SLC2A9: variants seen among roughly 807,000 people sequenced by gnomAD.
SLC2A9 encodes solute carrier family 2, facilitated glucose transporter member 9.
SLC2A9 carries 39 observed loss-of-function variants against 50.6 expected under a neutral mutation model. The ratio of observed to expected loss-of-function variants is 0.77; its 90% CI spans 0.60 to 1.01. SLC2A9 has a LOEUF of 1.01. SLC2A9 is among the 50% of genes least tolerant of loss of function. The pLI is 0.00. For synonymous variants in SLC2A9, 324 were observed against 276.9 expected (o/e 1.17, Z -1.69); for missense variants, 686 against 677.6 (o/e 1.01, Z -0.14).
Position 9,816,936 on chromosome 4 carries a change from G to A in SLC2A9, n.420+9484C>T, listed in dbSNP as rs952946512. Among the ~76,000 whole-genome samples the A allele has an allele frequency of 5.9e-5, 9 of 152,110 alleles. No individual in the cohort carries two copies. In the South Asian group the frequency reaches 6.2e-4, roughly 11 times the overall value. Reference sequence around the variant, plus strand: ...CTAAAATCAAAGTGTTCATAGAGACGCAACACCTTGGAATCTTTAGGGGAT... The same window carrying A: ...CTAAAATCAAAGTGTTCATAGAGACACAACACCTTGGAATCTTTAGGGGAT... On this transcript the variant is annotated intron_variant and non_coding_transcript_variant, in intron 3 of 3. Transcript: ENST00000503280.
chr4:10,018,912 T>C (rs1271239491), intron 2 of SLC2A9, 63 bp downstream of exon 2: 9 of 1,501,284 alleles, frequency 6.0e-6, no homozygotes, highest in Non-Finnish European at 7.2e-6. Context: ...CCCAGGGCCC[T>C]TGCGCACCCG....
intron 11 of SLC2A9, among the ~76,000 whole-genome samples, chr4:9,834,595 A>C (rs1363077801): frequency 6.6e-6 from 1 of 152,206 alleles, no homozygotes; most frequent in East Asian, 1.9e-4. Context: ...AATGATAAGT[A>C]GGTTGTAGGT....
intron 2 of SLC2A9, among the ~76,000 whole-genome samples, chr4:10,011,110 C>T (rs1338614162): frequency 6.6e-6 from 1 of 152,160 alleles, no homozygotes; most frequent in Admixed American, 6.5e-5. Flanking sequence ...TGGTTGGGCC[C>T]TTTTGGACTG....
intron 5 of SLC2A9, among the ~76,000 whole-genome samples, chr4:9,942,931 A>T (rs976963591): frequency 9.2e-5 from 14 of 152,216 alleles, no homozygotes; most frequent in African/African-American, 3.4e-4. Flanking sequence ...AGGTACAAGG[A>T]GATGGCCAAG....
intron 1 of SLC2A9, among the ~76,000 whole-genome samples, chr4:10,020,767 C>T (rs1763408633): frequency 6.6e-6 from 1 of 152,204 alleles, no homozygotes; most frequent in African/African-American, 2.4e-5. Flanking sequence ...CTGGTCTGCA[C>T]CCCATCAGAT....
chr4:9,866,204 C>T (rs1249366467), intron 10 of SLC2A9, among the ~76,000 whole-genome samples: 1 of 151,798 alleles, frequency 6.6e-6, no homozygotes, highest in Non-Finnish European at 1.5e-5. Context: ...ATGCTAATTA[C>T]TATTGTATTA....
At chr4:10,025,910 C>A (rs753714669), upstream of SLC2A9, 42 of 1,613,660 alleles carry the variant, frequency 2.6e-5, no homozygotes, top group Admixed American at 5.0e-5. Context: ...TGACCAATTT[C>A]TTTTTCGCTG....
downstream of SLC2A9, among the ~76,000 whole-genome samples, chr4:9,776,088 G>T (rs975448916): frequency 1.3e-5 from 2 of 152,068 alleles, no homozygotes; most frequent in African/African-American, 4.8e-5. Context: ...GGATCTGCTG[G>T]GGGCCATCTC....
At chr4:9,863,556 C>G (rs1045501876) in intron 10 of SLC2A9, among the ~76,000 whole-genome samples, 1 of 152,086 alleles carries the variant, frequency 6.6e-6, no homozygotes, top group Non-Finnish European at 1.5e-5. Context: ...GCATTAGTTT[C>G]CTCATTAAGA....
chr4:9,787,711 G>A (rs1387697652), intron 3 of SLC2A9, among the ~76,000 whole-genome samples: 1 of 152,190 alleles, frequency 6.6e-6, no homozygotes, highest in African/African-American at 2.4e-5. Context: ...GGACCTTTGT[G>A]AAGATTACCT....
chr4:9,782,210 G>C (rs113223975), intron 3 of SLC2A9: 1 of 1,611,822 alleles, frequency 6.2e-7, no homozygotes. Context: ...CAACGTGCTG[G>C]TGTGCGCAGC....
chr4:9,975,743 T>C (rs1287426583), intron 5 of SLC2A9, among the ~76,000 whole-genome samples: 4 of 152,216 alleles, frequency 2.6e-5, no homozygotes, highest in Admixed American at 6.5e-5. Context: ...AATCCCATTA[T>C]TGGGTATATA....
chr4:9,958,754 G>C (rs1242506630), intron 5 of SLC2A9, among the ~76,000 whole-genome samples: 2 of 152,160 alleles, frequency 1.3e-5, no homozygotes, highest in Non-Finnish European at 2.9e-5. Context: ...ACCAGGACCT[G>C]TCCAGAAAAG....
intron 10 of SLC2A9, among the ~76,000 whole-genome samples, chr4:9,864,165 C>T (rs1345477269): frequency 6.6e-6 from 1 of 152,032 alleles, no homozygotes; most frequent in Non-Finnish European, 1.5e-5. Context: ...TTCTTCTTTG[C>T]CATTTGGGGA....
At chr4:10,013,017 G>C (rs1762023854) in intron 2 of SLC2A9, among the ~76,000 whole-genome samples, 1 of 152,174 alleles carries the variant, frequency 6.6e-6, no homozygotes, top group Non-Finnish European at 1.5e-5. Context: ...AGTGGAAACA[G>C]AGAAACCAGT....
chr4:9,938,376 A>G (rs1747501191), intron 6 of SLC2A9, among the ~76,000 whole-genome samples: 1 of 147,284 alleles, frequency 6.8e-6, no homozygotes, highest in Non-Finnish European at 1.5e-5. Flanking sequence ...GGTTCACGCC[A>G]TTCTCTTGCC....
At chr4:9,917,042 C>T (rs866907867) in intron 7 of SLC2A9, among the ~76,000 whole-genome samples, 9 of 152,156 alleles carry the variant, frequency 5.9e-5, no homozygotes, top group African/African-American at 2.2e-4. Flanking sequence ...GTGGCCACCC[C>T]AGCAATGGGG....
intron 1 of SLC2A9, among the ~76,000 whole-genome samples, chr4:10,019,963 A>G (rs1245368170): frequency 6.6e-6 from 1 of 152,216 alleles, no homozygotes; most frequent in Admixed American, 6.5e-5. Context: ...TCAGCTGGTC[A>G]GGGAATACAG....
intron 10 of SLC2A9, among the ~76,000 whole-genome samples, chr4:9,850,478 GCCC>G (rs1216073812): frequency 6.6e-6 from 1 of 152,144 alleles, no homozygotes; most frequent in Non-Finnish European, 1.5e-5. Flanking sequence ...CATTCTGAAT[GCCC>G]CCCATCTGCT....
Sources: gnomAD v4.1 joint callset for allele counts (sites outside exome capture counted in the v4.1 genomes callset) on GRCh38, gnomAD v4.1.1 for gene constraint, MANE v1.5 for transcripts, NCBI Gene and HGNC (gene_info 2026-07-23, HGNC 2026-07-21) for gene names.